DOCK1: variants seen among roughly 807,000 people sequenced by gnomAD.
DOCK1 encodes dedicator of cytokinesis protein 1.
In DOCK1, 138 loss-of-function variants were observed where a neutral mutation model predicts 262.7. The observed-to-expected ratio is 0.53, with a 90% confidence interval of 0.46 to 0.61. The LOEUF (loss-of-function observed/expected upper bound fraction) is 0.61, where lower values mean the gene tolerates loss of function less well. Ranked by LOEUF, DOCK1 falls within the 20% of genes least tolerant of loss-of-function variation. The pLI, the probability that DOCK1 is intolerant of heterozygous loss-of-function variation, is 0.00. For synonymous variants in DOCK1, 866 were observed against 867.4 expected (o/e 1.00, Z 0.03); for missense variants, 1,908 against 2,370.7 (o/e 0.80, Z 4.05).
chr10:127,258,043 G>C (rs2059888915), intron 29 of DOCK1, among the ~76,000 whole-genome samples: 1 of 152,074 alleles, frequency 6.6e-6, no homozygotes, highest in African/African-American at 2.4e-5. Flanking sequence ...AATTTTTATG[G>C]AGATAATTGT....
intron 29 of DOCK1, among the ~76,000 whole-genome samples, chr10:127,260,707 CTG>C (rs1222549928): frequency 2.3e-4 from 29 of 126,688 alleles, no homozygotes; most frequent in Admixed American, 1.6e-3. Context: ...TCGTGCTCAT[CTG>C]TGTGTCCTTG....
chr10:127,296,138 CTG>C (rs559809685), intron 29 of DOCK1, among the ~76,000 whole-genome samples: 56 of 152,278 alleles, frequency 3.7e-4, no homozygotes, highest in Middle Eastern at 6.8e-3. Flanking sequence ...GAACTTCTGA[CTG>C]TTTTTAAAAG....
rs571464936 is a variant in DOCK1, at chr10:127,442,078, C to T, written c.5260-2048C>T. Among the ~76,000 whole-genome samples the T allele has an allele frequency of 1.6e-3, 244 of 152,310 alleles. 1 individual carries two copies. The highest frequency in any genetic ancestry group is 2.5e-3 in the Non-Finnish European group (170 of 68,040). ...TTTGCTGCCTGGAACAAGGCCATTTCTTCAGAGGAGGTGCAGCTCCTGGGC... is the reference window on the plus strand; with the variant it reads ...TTTGCTGCCTGGAACAAGGCCATTTTTTCAGAGGAGGTGCAGCTCCTGGGC... On this transcript the variant is annotated intron_variant, in intron 49 of 51. Transcript: ENST00000623213.
At chr10:127,145,241 G>A (rs76981608) in intron 27 of DOCK1, among the ~76,000 whole-genome samples, 3,578 of 152,180 alleles carry the variant, frequency 0.024, 141 homozygotes, top group African/African-American at 0.082. Context: ...TAGTGCCACC[G>A]AGGAGCAGAG....
At chr10:127,365,039 C>T (rs1407153191) in intron 33 of DOCK1, among the ~76,000 whole-genome samples, 1 of 137,412 alleles carries the variant, frequency 7.3e-6, no homozygotes, top group Non-Finnish European at 1.6e-5. Flanking sequence ...AAATATTATA[C>T]CTAGATTTTT....
intron 27 of DOCK1, among the ~76,000 whole-genome samples, chr10:127,236,088 T>G (rs2059039421): frequency 1.3e-5 from 2 of 152,182 alleles, no homozygotes; most frequent in African/African-American, 4.8e-5. Context: ...TTCTGTATAG[T>G]GTCATTCAAA....
At chr10:127,211,432 T>C (rs2057968956) in intron 27 of DOCK1, among the ~76,000 whole-genome samples, 1 of 152,200 alleles carries the variant, frequency 6.6e-6, no homozygotes, top group African/African-American at 2.4e-5. Context: ...GCCGTTTGTG[T>C]CTCCGATTTG....
chr10:127,349,772 G>C (rs79865326), intron 31 of DOCK1, among the ~76,000 whole-genome samples: 1 of 152,068 alleles, frequency 6.6e-6, no homozygotes, highest in Non-Finnish European at 1.5e-5. Flanking sequence ...TGGCTGCCCC[G>C]GTCTTTGGCA....
At chr10:127,434,141 C>T (rs891387627) in intron 48 of DOCK1, among the ~76,000 whole-genome samples, 25 of 151,630 alleles carry the variant, frequency 1.6e-4, no homozygotes, top group African/African-American at 5.3e-4. Flanking sequence ...GATGGATGGC[C>T]GGGCCTTCTT....
chr10:126,910,425 A>G (rs2031594360), intron 1 of DOCK1, among the ~76,000 whole-genome samples: 1 of 152,242 alleles, frequency 6.6e-6, no homozygotes, highest in Non-Finnish European at 1.5e-5. Flanking sequence ...CCCCAGGGCC[A>G]TCGCTGTAGC....
intron 25 of DOCK1, among the ~76,000 whole-genome samples, chr10:127,116,228 G>A (rs1213242699): frequency 6.6e-6 from 1 of 152,170 alleles, no homozygotes; most frequent in Non-Finnish European, 1.5e-5. Flanking sequence ...ATAGCAAACA[G>A]GCTCCTTGTA....
chr10:126,927,326 A>T (rs1020420936), intron 1 of DOCK1, among the ~76,000 whole-genome samples: 4 of 152,154 alleles, frequency 2.6e-5, no homozygotes, highest in Admixed American at 6.6e-5. Flanking sequence ...GTCCAGAGGG[A>T]CTAGGCATTG....
At chr10:127,442,056 G>C (rs1054798729) in intron 49 of DOCK1, among the ~76,000 whole-genome samples, 10 of 152,088 alleles carry the variant, frequency 6.6e-5, no homozygotes, top group African/African-American at 2.4e-4. Context: ...CAGCAGTTTT[G>C]CTGCCTGGAA....
chr10:127,154,479 C>A (rs1037949309), intron 27 of DOCK1, among the ~76,000 whole-genome samples: 6 of 152,148 alleles, frequency 3.9e-5, no homozygotes, highest in African/African-American at 1.4e-4. Flanking sequence ...ATTTCAGTGT[C>A]CATGAATAAA....
At chr10:127,340,216 A>G (rs556780974) in intron 30 of DOCK1, among the ~76,000 whole-genome samples, 3 of 152,190 alleles carry the variant, frequency 2.0e-5, no homozygotes, top group Non-Finnish European at 4.4e-5. Context: ...TTCATATGTC[A>G]TAATAACATA....
intron 31 of DOCK1, among the ~76,000 whole-genome samples, chr10:127,346,879 C>T (rs1360444837): frequency 6.6e-6 from 1 of 152,204 alleles, no homozygotes; most frequent in Non-Finnish European, 1.5e-5. Flanking sequence ...GGCAGGACAG[C>T]CTCAGGGCTT....
At chr10:127,080,904 TTGTTTTCTTAACCTCC>T (rs1005352988) in intron 23 of DOCK1, among the ~76,000 whole-genome samples, 33 of 152,284 alleles carry the variant, frequency 2.2e-4, no homozygotes, top group African/African-American at 7.7e-4. Context: ...TAGCTCATAA[TTGTTTTCTTAACCTCC>T]TCAGAGCCTG....
intron 2 of DOCK1, among the ~76,000 whole-genome samples, chr10:126,972,359 A>G (rs1186743799): frequency 6.6e-6 from 1 of 152,252 alleles, no homozygotes; most frequent in Non-Finnish European, 1.5e-5. Flanking sequence ...TGCTGTGGTT[A>G]TTGTTGCACA....
At chr10:127,390,143 C>T (rs186018539) in intron 38 of DOCK1, among the ~76,000 whole-genome samples, 27 of 152,264 alleles carry the variant, frequency 1.8e-4, no homozygotes, top group African/African-American at 6.3e-4. Context: ...GCTTCCTGTA[C>T]AGCCTATGGA....
Sources: allele counts gnomAD v4.1 joint callset (sites outside exome capture counted in the v4.1 genomes callset), GRCh38; gene constraint gnomAD v4.1.1; transcripts MANE v1.5; gene names NCBI Gene and HGNC (gene_info 2026-07-23, HGNC 2026-07-21).